Variants in RPS6KA6 observed in about 807,000 individuals in gnomAD.
RPS6KA6 encodes ribosomal protein S6 kinase A6, also known as ribosomal protein S6 kinase alpha-6.
RPS6KA6 carries 27 observed loss-of-function variants against 65.4 expected under a neutral mutation model. That is an observed-to-expected ratio of 0.41 (90% CI 0.30 to 0.57). The LOEUF is 0.57. RPS6KA6 is among the 20% of genes least tolerant of loss of function. The pLI is 0.24. For missense variants in RPS6KA6, 486 were observed against 555.6 expected, an observed-to-expected ratio of 0.87 and a Z score of 1.26; for synonymous variants, 190 against 184.2, an observed-to-expected ratio of 1.03 and a Z score of -0.26.
At chrX:84,184,829 CAAAAAAAAAA>C (rs11445430) in intron 1 of RPS6KA6, among the ~76,000 whole-genome samples, 2 of 20,058 alleles carry the variant, frequency 1.0e-4, no homozygotes, top group Non-Finnish European at 1.7e-4. Flanking sequence ...GACCCTGACT[CAAAAAAAAAA>C]AAAAAAAAAA....
intron 8 of RPS6KA6, among the ~76,000 whole-genome samples, chrX:84,132,418 C>G (rs2034914526): frequency 9.1e-6 from 1 of 110,072 alleles, no homozygotes; most frequent in Non-Finnish European, 1.9e-5. Context: ...CCACTGCCCT[C>G]CAGCCTGGGT....
intron 3 of RPS6KA6, among the ~76,000 whole-genome samples, chrX:84,150,846 G>A (rs1459486780): frequency 1.1e-5 from 1 of 90,153 alleles, no homozygotes; most frequent in Non-Finnish European, 2.2e-5. Context: ...ATATATATAG[G>A]ATATATATAT....
At chrX:84,112,226 T>C (rs1406885321) in intron 12 of RPS6KA6, among the ~76,000 whole-genome samples, 2 of 111,199 alleles carry the variant, frequency 1.8e-5, no homozygotes, top group Non-Finnish European at 3.8e-5. Context: ...GGCAATACAA[T>C]AATAGTGGGG....
chrX:84,141,281 T>C (rs1390431596), intron 6 of RPS6KA6, among the ~76,000 whole-genome samples: 3 of 110,566 alleles, frequency 2.7e-5, no homozygotes, highest in African/African-American at 9.8e-5. Flanking sequence ...AAATTTAGCC[T>C]GAAGACCATA....
chrX:84,079,957 C>A (rs143915098), intron 20 of RPS6KA6, among the ~76,000 whole-genome samples: 4 of 111,962 alleles, frequency 3.6e-5, no homozygotes, highest in African/African-American at 9.7e-5. Context: ...GATCTCCCAG[C>A]GCAGCGCTCG....
chrX:84,117,188 C>T (rs1169857021), intron 10 of RPS6KA6, 40 bp from the exon 11 acceptor site: 7 of 1,037,633 alleles, frequency 6.7e-6, no homozygotes, highest in Non-Finnish European at 5.3e-6. Flanking sequence ...TTAAATTTAG[C>T]CACATTTTTG....
chrX:84,187,793 C>T (rs1395578536), intron 1 of RPS6KA6, 26 bp downstream of exon 1: 11 of 1,188,683 alleles, frequency 9.3e-6, no homozygotes, highest in Non-Finnish European at 1.2e-5. Context: ...GGGTTGGCTC[C>T]AGCCCGTCTT....
chrX:84,171,718 G>A (rs2035686483), intron 1 of RPS6KA6, among the ~76,000 whole-genome samples: 1 of 111,137 alleles, frequency 9.0e-6, no homozygotes, highest in Non-Finnish European at 1.9e-5. Flanking sequence ...GAACGTGCAG[G>A]TTTGTTACAC....
intron 20 of RPS6KA6, among the ~76,000 whole-genome samples, chrX:84,066,912 G>T (rs1270981601): frequency 9.0e-6 from 1 of 111,715 alleles, no homozygotes; most frequent in Non-Finnish European, 1.9e-5. Flanking sequence ...CTGGGACGGA[G>T]CTTCCACAGG....
At chrX:84,087,668 G>C (rs2033954886) in intron 20 of RPS6KA6, among the ~76,000 whole-genome samples, 1 of 110,911 alleles carries the variant, frequency 9.0e-6, no homozygotes. Context: ...ATCTTACTGG[G>C]GTTCTCTGGA....
chrX:84,142,292 AATC>A (rs765589852), intron 6 of RPS6KA6, among the ~76,000 whole-genome samples: 30 of 111,375 alleles, frequency 2.7e-4, no homozygotes, highest in African/African-American at 8.8e-4. Flanking sequence ...ATAGAAAGGA[AATC>A]ATAAAGTACA....
intron 2 of RPS6KA6, among the ~76,000 whole-genome samples, chrX:84,161,432 C>A (rs777533337): frequency 5.1e-4 from 57 of 111,385 alleles, no homozygotes; most frequent in Non-Finnish European, 9.4e-4. Context: ...TTTTGCATAT[C>A]TGTAGGACAA....
chrX:84,151,024 A>T (rs2035303478), intron 3 of RPS6KA6, among the ~76,000 whole-genome samples: 1 of 37,704 alleles, frequency 2.7e-5, no homozygotes, highest in South Asian at 2.3e-3. Flanking sequence ...TAGAGAGAGG[A>T]TATATAGAGA....
At chrX:84,163,814 G>A (rs1384661870) in intron 2 of RPS6KA6, among the ~76,000 whole-genome samples, 1 of 111,232 alleles carries the variant, frequency 9.0e-6, no homozygotes, top group African/African-American at 3.3e-5. Context: ...CTAGTATCTA[G>A]GCATTACATA....
intron 20 of RPS6KA6, among the ~76,000 whole-genome samples, chrX:84,093,305 C>T (rs764608146): frequency 8.9e-6 from 1 of 111,978 alleles, no homozygotes; most frequent in African/African-American, 3.2e-5. Flanking sequence ...GTTCTCACAA[C>T]TAAAGTGTAC....
chrX:84,084,011 A>C, intron 20 of RPS6KA6, among the ~76,000 whole-genome samples: 1 of 112,104 alleles, frequency 8.9e-6, no homozygotes, highest in Non-Finnish European at 1.9e-5. Flanking sequence ...TGGCTACATA[A>C]ATGTCTTCTT....
intron 12 of RPS6KA6, among the ~76,000 whole-genome samples, chrX:84,114,480 G>A (rs773466044): frequency 1.1e-4 from 12 of 110,208 alleles, no homozygotes; most frequent in Middle Eastern, 4.6e-3. Flanking sequence ...AGAGAGAGAC[G>A]CTGTCAAAAA....
intron 3 of RPS6KA6, among the ~76,000 whole-genome samples, chrX:84,152,382 CCTT>C (rs764424241): frequency 2.2e-4 from 24 of 110,699 alleles, no homozygotes; most frequent in African/African-American, 7.2e-4. Context: ...ATTATAATGT[CCTT>C]CTTTGTCATC....
chrX:84,160,879 T>G (rs1164280209), intron 2 of RPS6KA6, among the ~76,000 whole-genome samples: 1 of 111,450 alleles, frequency 9.0e-6, no homozygotes, highest in Non-Finnish European at 1.9e-5. Context: ...ATCAAAATTA[T>G]GTACACAATG....
Sources: allele counts gnomAD v4.1 joint callset (sites outside exome capture counted in the v4.1 genomes callset), GRCh38; gene constraint gnomAD v4.1.1; transcripts MANE v1.5; gene names NCBI Gene and HGNC (gene_info 2026-07-23, HGNC 2026-07-21).